Variants in SLC25A26 observed in about 807,000 individuals in gnomAD.
SLC25A26 encodes the protein solute carrier family 25 member 26, also known as mitochondrial S-adenosylmethionine carrier protein.
Under a neutral mutation model 37.8 loss-of-function variants are expected in SLC25A26, and 36 were observed. That is an observed-to-expected ratio of 0.95 (90% CI 0.73 to 1.26). The LOEUF is 1.26. SLC25A26 is among the 50% of genes most tolerant of loss of function. The pLI is 0.00. For missense variants in SLC25A26, 390 were observed against 331.1 expected (o/e 1.18, Z -1.38); for synonymous variants, 129 against 122.5 (o/e 1.05, Z -0.35).
intron 6 of SLC25A26, among the ~76,000 whole-genome samples, chr3:66,360,534 T>C (rs1053197078): frequency 5.9e-5 from 9 of 152,228 alleles, no homozygotes; most frequent in Admixed American, 1.3e-4. Flanking sequence ...TTGGTAACTT[T>C]AGCAAGGCTG....
At chr3:66,223,138 T>A (rs913858844) in intron 1 of SLC25A26, among the ~76,000 whole-genome samples, 8 of 152,224 alleles carry the variant, frequency 5.3e-5, no homozygotes, top group African/African-American at 1.9e-4. Flanking sequence ...GAATAAGTGC[T>A]ATGAAAGAAA....
At chr3:66,161,254 C>A (rs1576603906) in intron 1 of SLC25A26, among the ~76,000 whole-genome samples, 3 of 152,136 alleles carry the variant, frequency 2.0e-5, no homozygotes, top group Non-Finnish European at 2.9e-5. Context: ...AAAGTGGTGA[C>A]CAACTTTTTC....
chr3:66,187,088 T>A (rs1027750592), intron 1 of SLC25A26, among the ~76,000 whole-genome samples: 19 of 151,410 alleles, frequency 1.3e-4, no homozygotes, highest in African/African-American at 3.4e-4. Flanking sequence ...CTTGGCCAAC[T>A]CCAATCTTAA....
intron 2 of SLC25A26, among the ~76,000 whole-genome samples, chr3:66,240,376 A>T (rs2072516224): frequency 2.0e-5 from 3 of 152,090 alleles, no homozygotes; most frequent in Admixed American, 2.0e-4. Context: ...TGCAACCTCA[A>T]CCTCCCAGGC....
chr3:66,233,755 A>T (rs1415318023), intron 1 of SLC25A26, among the ~76,000 whole-genome samples: 1 of 152,186 alleles, frequency 6.6e-6, no homozygotes, highest in Non-Finnish European at 1.5e-5. Flanking sequence ...AGAAGTTTGA[A>T]ATCGATAGAA....
intron 1 of SLC25A26, among the ~76,000 whole-genome samples, chr3:66,134,410 T>A (rs540417089): frequency 6.6e-5 from 10 of 152,288 alleles, no homozygotes; most frequent in Middle Eastern, 3.4e-3. Context: ...AGAGAATCAT[T>A]GAGTTGTGTG....
At chr3:66,238,571 C>T (rs781928825) in intron 2 of SLC25A26, among the ~76,000 whole-genome samples, 3 of 151,866 alleles carry the variant, frequency 2.0e-5, no homozygotes, top group Admixed American at 6.6e-5. Context: ...TTAGTAGAGA[C>T]GGGGTTTCAC....
intron 5 of SLC25A26, among the ~76,000 whole-genome samples, chr3:66,314,689 AAG>A (rs1261699901): frequency 6.6e-6 from 1 of 152,170 alleles, no homozygotes; most frequent in Non-Finnish European, 1.5e-5. Flanking sequence ...TTTTAGAAGA[AAG>A]AGTATCAGCT....
chr3:66,328,300 C>A (rs925204737), intron 5 of SLC25A26, among the ~76,000 whole-genome samples: 1 of 152,140 alleles, frequency 6.6e-6, no homozygotes, highest in African/African-American at 2.4e-5. Flanking sequence ...AGTTAGACTT[C>A]AACTACTTTC....
intron 5 of SLC25A26, among the ~76,000 whole-genome samples, chr3:66,282,228 G>A (rs2074370058): frequency 6.6e-6 from 1 of 151,134 alleles, no homozygotes; most frequent in South Asian, 2.1e-4. Flanking sequence ...AGCCAGGATG[G>A]TCTCGATCTC....
chr3:66,287,464 A>G (rs563120764), intron 5 of SLC25A26, among the ~76,000 whole-genome samples: 1 of 152,228 alleles, frequency 6.6e-6, no homozygotes, highest in African/African-American at 2.4e-5. Flanking sequence ...ATTTTTCTGA[A>G]CATGCCTATT....
upstream of SLC25A26, among the ~76,000 whole-genome samples, chr3:66,220,555 ATCTT>A (rs1553657850): frequency 1.3e-5 from 2 of 152,186 alleles, no homozygotes; most frequent in African/African-American, 4.8e-5. Context: ...ATTTTTCTAT[ATCTT>A]TATTTAATAA....
At chr3:66,271,714 C>A (rs866210342) in intron 5 of SLC25A26, among the ~76,000 whole-genome samples, 3 of 152,102 alleles carry the variant, frequency 2.0e-5, no homozygotes, top group African/African-American at 7.2e-5. Flanking sequence ...TCAAACCCTT[C>A]CAGCTAAAGT....
chr3:66,273,278 G>C (rs951084033), intron 5 of SLC25A26, among the ~76,000 whole-genome samples: 4 of 152,072 alleles, frequency 2.6e-5, no homozygotes, highest in African/African-American at 9.7e-5. Context: ...TCTCTGCCTG[G>C]CTTTGGTATC....
At chr3:66,267,233 G>A (rs1309754944) in intron 5 of SLC25A26, among the ~76,000 whole-genome samples, 1 of 152,220 alleles carries the variant, frequency 6.6e-6, no homozygotes, top group Non-Finnish European at 1.5e-5. Context: ...CTTAATTGTT[G>A]AAGGAGTGGC....
At chr3:66,354,863 C>A (rs1213210024) in intron 6 of SLC25A26, among the ~76,000 whole-genome samples, 1 of 152,184 alleles carries the variant, frequency 6.6e-6, no homozygotes, top group Non-Finnish European at 1.5e-5. Context: ...TCTCTGCCTG[C>A]CGCCATCCAC....
At chr3:66,291,192 G>A (rs898488287) in intron 5 of SLC25A26, among the ~76,000 whole-genome samples, 6 of 152,170 alleles carry the variant, frequency 3.9e-5, no homozygotes, top group Middle Eastern at 3.4e-3. Flanking sequence ...GTGTCTGTTT[G>A]ATTCTTCTCT....
chr3:66,176,790 C>T (rs955697648), intron 1 of SLC25A26, among the ~76,000 whole-genome samples: 5 of 152,034 alleles, frequency 3.3e-5, no homozygotes, highest in Admixed American at 1.3e-4. Flanking sequence ...TTGTAGAATC[C>T]GATGAGTGTT....
At chr3:66,192,352 A>G (rs897600043) in intron 1 of SLC25A26, among the ~76,000 whole-genome samples, 1 of 150,732 alleles carries the variant, frequency 6.6e-6, no homozygotes, top group African/African-American at 2.4e-5. Context: ...GAAATTGCAG[A>G]ATTTGCTCCC....
Sources: gnomAD v4.1 joint callset for allele counts (sites outside exome capture counted in the v4.1 genomes callset) on GRCh38, gnomAD v4.1.1 for gene constraint, MANE v1.5 for transcripts, NCBI Gene and HGNC (gene_info 2026-07-23, HGNC 2026-07-21) for gene names.